HPSE2: variants seen among roughly 807,000 people sequenced by gnomAD.
HPSE2 encodes the protein inactive heparanase-2.
A neutral mutation model predicts 60.5 loss-of-function variants in HPSE2; 38 were observed. The observed-to-expected ratio is 0.63, with a 90% CI of 0.48 to 0.82. HPSE2 has a LOEUF of 0.82. HPSE2 is among the 40% of genes least tolerant of loss of function. The probability of loss-of-function intolerance (pLI) is 0.00; values close to 1 mark genes in which losing one functional copy is unlikely to be tolerated. For missense variants in HPSE2, 713 were observed against 740.4 expected (o/e 0.96, Z 0.43); for synonymous variants, 295 against 293.2 (o/e 1.01, Z -0.06).
rs571184082 is a variant in HPSE2 at position 98,597,970 on chromosome 10, C to CAAA, written c.1320+16931_1320+16933dup. Among the ~76,000 whole-genome samples the CAAA allele has an allele frequency of 3.4e-4, 19 of 55,138 alleles. 1 individual carries two copies. Among genetic ancestry groups the CAAA allele is most frequent in the East Asian group, 1.0e-3 (2 of 1,964 alleles). The allele number at this position is 55,138 out of a possible 152,430, so 36.2% of individuals were successfully genotyped here. ...TGGGTGACAGAGTGAGACTCCATCT[C>CAAA]AAAAAAAAAAAAAAAAAAAAAAAAA... On this transcript the variant is annotated intron_variant, in intron 9 of 11. Coordinates refer to ENST00000370552, the MANE Select transcript of HPSE2 (RefSeq NM_021828.5).
chr10:98,593,390 G>A (rs532182405), intron 9 of HPSE2, among the ~76,000 whole-genome samples: 8 of 152,260 alleles, frequency 5.3e-5, no homozygotes, highest in Admixed American at 1.3e-4. Flanking sequence ...TATGGAAAGC[G>A]TTGGATGGCA....
intron 3 of HPSE2, among the ~76,000 whole-genome samples, chr10:99,071,106 G>A (rs1295802255): frequency 1.7e-5 from 2 of 117,070 alleles, no homozygotes; most frequent in Non-Finnish European, 3.4e-5. Context: ...TCTCACTCTT[G>A]TCACCCAGGC....
chr10:98,494,020 T>A (rs1417941693), intron 9 of HPSE2, among the ~76,000 whole-genome samples: 1 of 152,222 alleles, frequency 6.6e-6, no homozygotes, highest in East Asian at 1.9e-4. Context: ...CTAATTTGCA[T>A]TTATACCAGC....
At chr10:98,684,725 T>C (rs989270538) in intron 6 of HPSE2, among the ~76,000 whole-genome samples, 3 of 152,062 alleles carry the variant, frequency 2.0e-5, no homozygotes, top group Non-Finnish European at 2.9e-5. Context: ...ACTGTGAAGG[T>C]TGCTTCTGGA....
In HPSE2 at chr10:98,614,914, T is replaced by C; in HGVS notation, c.1310A>G (p.Asn437Ser). 1.2e-6 allele frequency: 2 copies of C among 1,609,318 alleles called. No individual in the cohort carries two copies. The highest frequency in any genetic ancestry group is 1.7e-6 in the Non-Finnish European group (2 of 1,175,602). ...TTATCCCACACTTACTGGTAATGGG[T>C]TAAAATTCTGGTCCACGAGGTGATT... ...GYNHLVDQNF[N>S]PLPDYWLSLL... The change falls in exon 9 of 12, where the codon AAC (asparagine) becomes AGC (serine). Residue 437 changes from asparagine to serine, a missense_variant. Asn to Ser is a conservative substitution (Grantham distance 46). Transcript: ENST00000370552.
intron 3 of HPSE2, among the ~76,000 whole-genome samples, chr10:99,136,966 T>A (rs949018985): frequency 6.6e-6 from 1 of 152,188 alleles, no homozygotes; most frequent in African/African-American, 2.4e-5. Flanking sequence ...TGTTTGCAGA[T>A]GACATGATTG....
chr10:98,999,156 CGT>C (rs55879808), intron 3 of HPSE2, among the ~76,000 whole-genome samples: 13,547 of 137,204 alleles, frequency 0.099, 603 homozygotes, highest in East Asian at 0.19. Flanking sequence ...GTATAGACTA[CGT>C]GTGTGTGTGT....
intron 4 of HPSE2, among the ~76,000 whole-genome samples, chr10:98,736,388 C>T (rs1411068068): frequency 6.6e-6 from 1 of 152,070 alleles, no homozygotes; most frequent in Non-Finnish European, 1.5e-5. Context: ...GGACTTTATA[C>T]AGCAGCTGTC....
At chr10:98,568,500 T>C (rs671210) in intron 9 of HPSE2, among the ~76,000 whole-genome samples, 127,929 of 152,048 alleles carry the variant, frequency 0.84, 54,958 homozygotes, top group East Asian at 1. Context: ...AACTTCCTGT[T>C]GGCCAAGCCC....
At chr10:98,890,145 C>G (rs1400044522) in intron 3 of HPSE2, among the ~76,000 whole-genome samples, 1 of 152,164 alleles carries the variant, frequency 6.6e-6, no homozygotes, top group African/African-American at 2.4e-5. Flanking sequence ...GCCCCACTAA[C>G]AACCTGGCCC....
At chr10:99,247,578 C>T in the HPSE2 span, among the ~76,000 whole-genome samples, 1 of 152,202 alleles carries the variant, frequency 6.6e-6, no homozygotes, top group Non-Finnish European at 1.5e-5. Context: ...CTAAATGCCC[C>T]ACTTAAAAGA....
chr10:98,892,318 CT>C (rs1312423292), intron 3 of HPSE2, among the ~76,000 whole-genome samples: 1 of 152,148 alleles, frequency 6.6e-6, no homozygotes, highest in Non-Finnish European at 1.5e-5. Flanking sequence ...AAGCTCAAGA[CT>C]TAGTATGACT....
chr10:99,268,897 G>C, the HPSE2 span, among the ~76,000 whole-genome samples: 1 of 152,020 alleles, frequency 6.6e-6, no homozygotes, highest in Non-Finnish European at 1.5e-5. Flanking sequence ...GCTCACGCCT[G>C]TAATCCCAGT....
chr10:98,908,052 A>G (rs1953873435), intron 3 of HPSE2, among the ~76,000 whole-genome samples: 1 of 152,230 alleles, frequency 6.6e-6, no homozygotes. Flanking sequence ...AAGTGAAAGC[A>G]TAAGACTGAT....
chr10:98,499,333 T>C (rs1378713542), intron 9 of HPSE2, among the ~76,000 whole-genome samples: 1 of 152,132 alleles, frequency 6.6e-6, no homozygotes, highest in Non-Finnish European at 1.5e-5. Flanking sequence ...CTAGAAGGGA[T>C]TGGGGCCCTA....
chr10:99,261,968 A>C, the HPSE2 span, among the ~76,000 whole-genome samples: 1 of 152,138 alleles, frequency 6.6e-6, no homozygotes, highest in African/African-American at 2.4e-5. Flanking sequence ...CGGACTGTCC[A>C]ACTCGCCTGG....
At chr10:98,537,189 A>T (rs1046116277) in intron 9 of HPSE2, among the ~76,000 whole-genome samples, 25 of 152,204 alleles carry the variant, frequency 1.6e-4, no homozygotes, top group Admixed American at 2.0e-4. Context: ...GTTAGAGAAG[A>T]TTCAAACTTA....
At chr10:99,288,500 A>C in the HPSE2 span, among the ~76,000 whole-genome samples, 18 of 152,154 alleles carry the variant, frequency 1.2e-4, no homozygotes, top group Admixed American at 1.3e-4. Context: ...GAGGAGGAGA[A>C]GGATGGCTAA....
At chr10:98,917,807 G>C (rs1954163588) in intron 3 of HPSE2, among the ~76,000 whole-genome samples, 2 of 152,194 alleles carry the variant, frequency 1.3e-5, no homozygotes, top group African/African-American at 4.8e-5. Flanking sequence ...AAACTGGTAG[G>C]CATCCAGCAA....
Sources: gnomAD v4.1 joint callset for allele counts (sites outside exome capture counted in the v4.1 genomes callset) on GRCh38, gnomAD v4.1.1 for gene constraint, MANE v1.5 for transcripts, NCBI Gene and HGNC (gene_info 2026-07-23, HGNC 2026-07-21) for gene names.